PWWP3A: variants seen among roughly 807,000 people sequenced by gnomAD.
The protein encoded by PWWP3A is PWWP domain containing 3A, DNA repair factor.
Under a neutral mutation model 79.0 loss-of-function variants are expected in PWWP3A, and 53 were observed. The ratio of observed to expected loss-of-function variants is 0.67; its 90% CI spans 0.54 to 0.84. The LOEUF (loss-of-function observed/expected upper bound fraction) is 0.84. Among genes scored for constraint, PWWP3A ranks in the 40% least tolerant of loss-of-function variants. The pLI is 0.00. For synonymous variants in PWWP3A, 443 were observed against 394.4 expected (o/e 1.12, Z -1.46); for missense variants, 973 against 948.0 (o/e 1.03, Z -0.35).
At chr19:1,361,855 C>A (rs559522449) in intron 5 of PWWP3A, 1 of 191,960 alleles carries the variant, frequency 5.2e-6, no homozygotes, top group Non-Finnish European at 1.1e-5. Context: ...GCACCCCTAC[C>A]CTGTTCTATA....
rs760002426 is a variant in PWWP3A at position 1,361,965 on chromosome 19, G to A, written c.1112-285G>A. 469 of 305,910 alleles carry A rather than the reference G, an allele frequency of 1.5e-3. 2 individuals carry two copies. Among genetic ancestry groups the A allele is most frequent in the Non-Finnish European group, 2.6e-3 (420 of 160,502 alleles). 18.9% of individuals were successfully genotyped at this position (305,910 alleles called of 1,614,324 possible). A position where few individuals can be genotyped will look rare whatever the true frequency, so the allele number is the denominator to read the frequency against. On this transcript the variant is annotated intron_variant, in intron 5 of 13. Transcript: ENST00000591337. ...CAAAAGGGATTCCCACCCAGGGTGC[G>A]CGCAGCTTCTGTGGCCGAGGTGGCT...
At position 1,362,294 on chromosome 19, in the gene PWWP3A, T is replaced by A. The variant is rs2082034545; in HGVS notation, c.1156T>A (p.Ser386Thr). 6.2e-7 allele frequency: 1 copy of A among 1,613,980 alleles called. No homozygotes were observed. Reference sequence around the variant, plus strand: ...GTCCATGGGGTCTAATTCCATGCGTTCTATCCTGGAGGAAGACGAGGAAGA... The same window carrying A: ...GTCCATGGGGTCTAATTCCATGCGTACTATCCTGGAGGAAGACGAGGAAGA... ...EESMGSNSMR[S>T]ILEEDEEDEE... Residue 386 changes from serine (S) to threonine (T), a missense_variant, in exon 6 of 14, where the codon TCT (serine) becomes ACT (threonine). Coordinates refer to ENST00000591337, the MANE Select transcript of PWWP3A (RefSeq NM_001369789.1).
At chr19:1,375,051 T>A (rs1353499125) in intron 13 of PWWP3A, among the ~76,000 whole-genome samples, 4 of 149,888 alleles carry the variant, frequency 2.7e-5, no homozygotes, top group Non-Finnish European at 5.9e-5. Context: ...AAACCCCATC[T>A]CTACTTTAAA....
In PWWP3A at chr19:1,360,790, C is replaced by T. The variant is rs1392627014; in HGVS notation, c.869C>T (p.Ala290Val). 2.5e-6 allele frequency: 4 copies of T among 1,604,458 alleles called. No homozygotes were observed. The highest frequency in any genetic ancestry group is 3.4e-6 in the Non-Finnish European group (4 of 1,175,810). The change falls in exon 5 of 14, where the codon GCC (alanine) becomes GTC (valine). Residue 290 changes from alanine to valine, a missense_variant. Physicochemically the swap from Ala to Val is moderately conservative, Grantham distance 64. Transcript: ENST00000591337. The surrounding 1 kb of genome is among the most constrained non-coding windows in gnomAD (Gnocchi z 4.4). ...LTAPPAPEPS[A>V]CSEPGECPAK... ...GCGCCCCCAGCCCCTGAGCCCTCGGCCTGCTCAGAGCCTGGAGAATGCCCT... is the reference window on the plus strand; with the variant it reads ...GCGCCCCCAGCCCCTGAGCCCTCGGTCTGCTCAGAGCCTGGAGAATGCCCT...
Position 1,373,054 on chromosome 19 carries a change from C to T in PWWP3A, c.1987-18C>T. ...TTGGGCAGTGCCTGCTGCTATTGAG[C>T]CCCGTGCCCTCTCACAGGCCATCAT... On this transcript the variant is annotated intron_variant, in intron 12 of 13. Transcript: ENST00000591337. 1.2e-6 allele frequency: 2 copies of T among 1,612,238 alleles called. No homozygotes were observed. The highest frequency in any genetic ancestry group is 1.7e-6 in the Non-Finnish European group (2 of 1,178,644).
intron 6 of PWWP3A, among the ~76,000 whole-genome samples, chr19:1,363,911 T>G (rs1220029861): frequency 1.3e-5 from 2 of 152,246 alleles, no homozygotes; most frequent in African/African-American, 4.8e-5. Context: ...GCTTTGTGTG[T>G]CTAACGACAG....
In PWWP3A at chr19:1,356,239, A is replaced by G. The variant is rs995527131; in HGVS notation, c.-69-85A>G. 9 of 724,552 alleles carry G rather than the reference A, an allele frequency of 1.2e-5. No individual in the cohort carries two copies. In the African/African-American group the frequency reaches 1.6e-4, roughly 13 times the overall value. The allele number at this position is 724,552 out of a possible 1,614,324, so 44.9% of individuals were successfully genotyped here. On this transcript the variant is annotated intron_variant, in intron 1 of 13. Coordinates refer to ENST00000591337, the MANE Select transcript of PWWP3A (RefSeq NM_001369789.1). ...AAACCATCTACTTGAGGCTAAGTCG[A>G]GCTAACCTTTGCCCCTGAGGGCTGT...
chr19:1,367,622 G>A (rs1159914611), intron 9 of PWWP3A, among the ~76,000 whole-genome samples: 2 of 152,244 alleles, frequency 1.3e-5, no homozygotes, highest in Non-Finnish European at 2.9e-5. Flanking sequence ...GGCGTCCCTA[G>A]CTCAGCGTCG....
rs374646553 is a variant in PWWP3A, at chr19:1,370,925, C to T, written c.1833C>T (p.Tyr611=). The T allele has an allele frequency of 1.8e-5, 28 of 1,556,276 alleles. No individual in the cohort carries two copies. Among genetic ancestry groups the T allele is most frequent in the South Asian group, 1.1e-4 (9 of 84,398 alleles). The change falls in exon 12 of 14, where the codon TAC becomes TAT. Residue 611 remains tyrosine, a synonymous_variant. Coordinates refer to ENST00000591337, the MANE Select transcript of PWWP3A (RefSeq NM_001369789.1). ...AGACCTTCCTGAGCTCCAGCCAGTA[C>T]GTGACCTGTGTGGAGACCTACCTGG... The part of the protein sequence containing the change: ...WLQTFLSSSQ[Y]VTCVETYLED...
At position 1,355,004 on chromosome 19, in the gene PWWP3A, C is replaced by T. The variant is rs1468174873; in HGVS notation, c.-201C>T. ...CGGGGAGCGGCGGCGGCGGCGGCGG[C>T]GGCGGTGGCGGAGGCGGTGAGCGCG... is the stretch of plus-strand genomic sequence containing the variant. On this transcript the variant is annotated 5_prime_UTR_variant, in exon 1 of 14. Transcript: ENST00000591337. The T allele has an allele frequency of 3.3e-5, 5 of 149,470 alleles. No homozygotes were observed. Among genetic ancestry groups the T allele is most frequent in the Non-Finnish European group, 5.9e-5 (4 of 67,698 alleles). The allele number at this position is 149,470 out of a possible 1,614,324, so 9.3% of individuals were successfully genotyped here. A position where few individuals can be genotyped will look rare whatever the true frequency, so the allele number is the denominator to read the frequency against.
chr19:1,361,042 T>C lies in PWWP3A; in HGVS notation c.1111+10T>C. On this transcript the variant is annotated intron_variant, in intron 5 of 13. Coordinates refer to ENST00000591337, the MANE Select transcript of PWWP3A (RefSeq NM_001369789.1). ...CAGAAGCTGGAGAAAGGTAAAAGTTTCTCGTGGAGGAGGAGAGCGCAGAGG... is the reference window on the plus strand; with the variant it reads ...CAGAAGCTGGAGAAAGGTAAAAGTTCCTCGTGGAGGAGGAGAGCGCAGAGG... The C allele has an allele frequency of 1.4e-6, 2 of 1,422,740 alleles. No homozygotes were observed. Among genetic ancestry groups the C allele is most frequent in the Non-Finnish European group, 9.2e-7 (1 of 1,086,228 alleles). The allele number at this position is 1,422,740 out of a possible 1,614,324, so 88.1% of individuals were successfully genotyped here.
chr19:1,371,157 C>T, intron 12 of PWWP3A, 79 bp downstream of exon 12: 1 of 1,489,310 alleles, frequency 6.7e-7, no homozygotes, highest in Non-Finnish European at 9.1e-7. Flanking sequence ...AGGAGGCTGC[C>T]ACGGTCCTCG....
At chr19:1,372,166 C>T (rs1022263451) in intron 12 of PWWP3A, 1 of 152,210 alleles carries the variant, frequency 6.6e-6, no homozygotes, top group African/African-American at 2.4e-5. Flanking sequence ...GTGATTCTGC[C>T]CCCTGGGGGA....
At chr19:1,362,705 C>T (rs1005497588) in intron 6 of PWWP3A, among the ~76,000 whole-genome samples, 1 of 152,230 alleles carries the variant, frequency 6.6e-6, no homozygotes. Context: ...CGGGTGTGGC[C>T]ACGTACTGTC....
rs892463414 is a variant in PWWP3A at position 1,377,260 on chromosome 19, G to C, written c.*684G>C. ...GCAGCCACATGCCCTGGCTGCCATG[G>C]GCCAGACCGCCTCCACCTCCCCCGC... On this transcript the variant is annotated 3_prime_UTR_variant, in exon 14 of 14. Transcript: ENST00000591337. 1 of 152,674 alleles carries C rather than the reference G, an allele frequency of 6.5e-6. No homozygotes were observed. The highest frequency in any genetic ancestry group is 1.5e-5 in the Non-Finnish European group (1 of 68,548). 9.5% of individuals were successfully genotyped at this position (152,674 alleles called of 1,614,324 possible). A position where few individuals can be genotyped will look rare whatever the true frequency, so the allele number is the denominator to read the frequency against.
rs201508246 is a variant in PWWP3A at position 1,362,375 on chromosome 19, G to A, written c.1213+24G>A. The A allele has an allele frequency of 3.1e-5, 49 of 1,599,716 alleles. No individual in the cohort carries two copies. The African/African-American group carries it at 4.7e-4, about 15-fold the overall frequency. ...CGGTAAGAAATGATCAGGGGGCGCC[G>A]GCAGTCCTAACGGTGCGCTCAGAGG... On this transcript the variant is annotated intron_variant, in intron 6 of 13. Coordinates refer to ENST00000591337, the MANE Select transcript of PWWP3A (RefSeq NM_001369789.1).
intron 1 of PWWP3A, 137 bp from the exon 2 acceptor site, chr19:1,356,187 A>T: frequency 1.1e-5 from 6 of 567,718 alleles, no homozygotes; most frequent in African/African-American, 1.9e-5. Flanking sequence ...TTTGGCATTG[A>T]GCATCTCAAT....
chr19:1,360,158 G>A lies in PWWP3A; in HGVS notation c.237G>A (p.Ala79=), dbSNP rs200025570. The A allele has an allele frequency of 1.0e-4, 162 of 1,569,024 alleles. No homozygotes were observed. Among genetic ancestry groups the A allele is most frequent in the Non-Finnish European group, 1.3e-4 (154 of 1,159,344 alleles). The stretch of plus-strand genomic sequence containing the variant: ...CAGCCTCACAGAATGAGGTTCCTGC[G>A]GCACCCCTGGAAGAACTGGCCTACA... ...SSLASQNEVP[A]APLEELAYRR... Residue 79 remains alanine (A), a synonymous_variant, in exon 5 of 14, where the codon GCG becomes GCA. Transcript: ENST00000591337. This position sits in a 1 kb window ranked among gnomAD's most constrained non-coding sequence, Gnocchi z 4.4.
rs758584001 is a variant in PWWP3A, at chr19:1,356,316, C to G, written c.-69-8C>G. On this transcript the variant is annotated splice_region_variant and splice_polypyrimidine_tract_variant and intron_variant, in intron 1 of 13. Transcript: ENST00000591337. ...GTTGTATAAACCACCGTGCAAATTT[C>G]GTTCCAGGACACATTGGCGTGAGAC... The G allele has an allele frequency of 3.5e-6, 5 of 1,447,118 alleles. No homozygotes were observed. Among genetic ancestry groups the G allele is most frequent in the Non-Finnish European group, 4.9e-6 (5 of 1,029,050 alleles). The allele number at this position is 1,447,118 out of a possible 1,614,324, so 89.6% of individuals were successfully genotyped here.
Sources: allele counts gnomAD v4.1 joint callset (sites outside exome capture counted in the v4.1 genomes callset), GRCh38; gene constraint gnomAD v4.1.1; non-coding constraint Gnocchi (gnomAD v3.1); transcripts MANE v1.5; gene names NCBI Gene and HGNC (gene_info 2026-07-23, HGNC 2026-07-21).